Variants in DMD observed in about 807,000 individuals in gnomAD.
The protein encoded by DMD is mutant dystrophin.
In DMD, 63 loss-of-function variants were observed where a neutral mutation model predicts 330.1. That is an observed-to-expected ratio of 0.19 (90% CI 0.16 to 0.24). DMD has a LOEUF of 0.24. Ranked by LOEUF, DMD falls within the 10% of genes least tolerant of loss-of-function variation. DMD has a pLI of 1.00. For missense variants in DMD, 3,344 were observed against 2,684.1 expected, an observed-to-expected ratio of 1.25 and a Z score of -5.43; for synonymous variants, 1,223 against 959.8, an observed-to-expected ratio of 1.27 and a Z score of -5.07.
chrX:33,045,221 G>T (rs1001007779), intron 1 of DMD, among the ~76,000 whole-genome samples: 8 of 109,676 alleles, frequency 7.3e-5, no homozygotes, highest in Admixed American at 6.9e-4. Context: ...AGGATTAGTT[G>T]CCTGTGATAA....
intron 62 of DMD, among the ~76,000 whole-genome samples, chrX:31,306,464 C>T (rs972690179): frequency 8.9e-6 from 1 of 111,885 alleles, no homozygotes; most frequent in Non-Finnish European, 1.9e-5. Context: ...CTCCGCCTGA[C>T]TTCTGTGTTT....
chrX:32,201,456 T>C (rs890372185), intron 44 of DMD, among the ~76,000 whole-genome samples: 1 of 88,800 alleles, frequency 1.1e-5, no homozygotes, highest in Non-Finnish European at 2.2e-5. Flanking sequence ...ACTATTTATA[T>C]GCAAATTCAA....
At chrX:31,744,700 G>T (rs1053489002) in intron 51 of DMD, among the ~76,000 whole-genome samples, 67 of 112,292 alleles carry the variant, frequency 6.0e-4, no homozygotes, top group African/African-American at 2.1e-3. Context: ...GTAATAGTTT[G>T]CCTGGTACAT....
intron 2 of DMD, among the ~76,000 whole-genome samples, chrX:33,018,107 T>G (rs758329828): frequency 8.9e-6 from 1 of 111,921 alleles, no homozygotes; most frequent in East Asian, 2.8e-4. Context: ...GTTCTCAAAA[T>G]TAGAAGTTAG....
intron 34 of DMD, among the ~76,000 whole-genome samples, chrX:32,377,357 C>T (rs756883025): frequency 8.1e-5 from 9 of 111,764 alleles, no homozygotes; most frequent in Non-Finnish European, 1.7e-4. Context: ...TAAATACATT[C>T]ACTGAGAGAT....
chrX:33,032,957 G>T lies in DMD; in HGVS notation c.32-12757C>A, dbSNP rs185411764. 1.7e-4 allele frequency among the ~76,000 whole-genome samples: 19 copies of T among 112,179 alleles called. No individual in the cohort carries two copies. The Admixed American group carries it at 1.7e-3, about 10-fold the overall frequency. ...GGAATGAAGGCCAAACATGTTTTCA[G>T]CACTGACGGGAAACTTTGCAGTCAG... is the stretch of plus-strand genomic sequence containing the variant. On this transcript the variant is annotated intron_variant, in intron 1 of 78. Transcript: ENST00000357033.
intron 7 of DMD, among the ~76,000 whole-genome samples, chrX:32,710,764 TG>T (rs1267503641): frequency 9.0e-6 from 1 of 111,277 alleles, no homozygotes; most frequent in Non-Finnish European, 1.9e-5. Context: ...CCAAAAATTT[TG>T]TGCTAAGCGT....
chrX:32,903,144 C>CAAAAAAAAAAAAAAAAAAAAAAA (rs34973696), intron 2 of DMD, among the ~76,000 whole-genome samples: 1 of 32,989 alleles, frequency 3.0e-5, no homozygotes, highest in Non-Finnish European at 4.8e-5. Context: ...GACTCAGTCT[C>CAAAAAAAAAAAAAAAAAAAAAAA]AAAAAAAAAA....
At chrX:32,622,965 T>C (rs1368552569) in intron 11 of DMD, among the ~76,000 whole-genome samples, 1 of 111,736 alleles carries the variant, frequency 8.9e-6, no homozygotes, top group Non-Finnish European at 1.9e-5. Context: ...AAACCACTGC[T>C]AGTCTACTTA....
intron 1 of DMD, among the ~76,000 whole-genome samples, chrX:33,152,318 C>T (rs2048316661): frequency 9.2e-6 from 1 of 109,200 alleles, no homozygotes; most frequent in African/African-American, 3.3e-5. Flanking sequence ...TACAGGGACC[C>T]ACCACCAAGA....
intron 50 of DMD, among the ~76,000 whole-genome samples, chrX:31,808,596 T>C (rs1419518630): frequency 9.0e-6 from 1 of 111,707 alleles, no homozygotes; most frequent in African/African-American, 3.3e-5. Flanking sequence ...ATCTGAAAGC[T>C]TTATTAGACA....
At chrX:32,783,330 CAT>C (rs763557282) in intron 7 of DMD, among the ~76,000 whole-genome samples, 37 of 101,179 alleles carry the variant, frequency 3.7e-4, no homozygotes, top group Admixed American at 2.8e-3. Flanking sequence ...TATATACACA[CAT>C]ATATATACAC....
At chrX:32,259,952 A>T (rs1448148361) in intron 43 of DMD, among the ~76,000 whole-genome samples, 1 of 111,696 alleles carries the variant, frequency 9.0e-6, no homozygotes, top group Non-Finnish European at 1.9e-5. Context: ...TGGAAAATGT[A>T]GCATCTGAGC....
At chrX:32,808,649 G>C (rs998786468) in intron 7 of DMD, among the ~76,000 whole-genome samples, 1 of 111,630 alleles carries the variant, frequency 9.0e-6, no homozygotes, top group Non-Finnish European at 1.9e-5. Context: ...TGATGAAATC[G>C]ATTTAATATT....
intron 7 of DMD, among the ~76,000 whole-genome samples, chrX:32,731,900 A>T (rs1247736182): frequency 8.9e-6 from 1 of 112,397 alleles, no homozygotes; most frequent in African/African-American, 3.2e-5. Context: ...CAACGGAACA[A>T]AGCTGGAGAG....
intron 45 of DMD, among the ~76,000 whole-genome samples, chrX:31,953,438 G>A (rs1404594696): frequency 1.8e-5 from 2 of 112,222 alleles, no homozygotes; most frequent in Admixed American, 1.9e-4. Context: ...CAAGCTGGGA[G>A]TGGGGACTGG....
intron 37 of DMD, among the ~76,000 whole-genome samples, chrX:32,357,856 AACTC>A (rs1466176318): frequency 9.0e-6 from 1 of 110,516 alleles, no homozygotes; most frequent in African/African-American, 3.3e-5. Flanking sequence ...AAACTAAAGG[AACTC>A]ACTCTTCATT....
intron 44 of DMD, among the ~76,000 whole-genome samples, chrX:32,171,434 T>C (rs186374484): frequency 6.7e-4 from 75 of 111,993 alleles, no homozygotes; most frequent in Non-Finnish European, 3.4e-4. Context: ...TCCCTTATTT[T>C]GTATTTATTA....
intron 16 of DMD, among the ~76,000 whole-genome samples, chrX:32,562,929 C>T (rs1466941035): frequency 8.9e-6 from 1 of 111,885 alleles, no homozygotes; most frequent in Non-Finnish European, 1.9e-5. Context: ...AAAACTGAAA[C>T]ATAAGCTTAA....
Sources: gnomAD v4.1 joint callset for allele counts (sites outside exome capture counted in the v4.1 genomes callset) on GRCh38, gnomAD v4.1.1 for gene constraint, MANE v1.5 for transcripts, NCBI Gene and HGNC (gene_info 2026-07-23, HGNC 2026-07-21) for gene names.